IVD: variants seen among roughly 807,000 people sequenced by gnomAD.
The protein encoded by IVD is isovaleryl-CoA dehydrogenase, also known as isovaleryl-CoA dehydrogenase, mitochondrial.
Under a neutral mutation model 51.3 loss-of-function variants are expected in IVD, and 31 were observed. The observed-to-expected ratio is 0.60, with a 90% CI of 0.45 to 0.81. The LOEUF is 0.81. Among genes scored for constraint, IVD ranks in the 40% least tolerant of loss-of-function variants. The pLI is 0.00. For missense variants in IVD, 475 were observed against 552.0 expected, an observed-to-expected ratio of 0.86 and a Z score of 1.40; for synonymous variants, 205 against 219.4, an observed-to-expected ratio of 0.93 and a Z score of 0.58.
At chr15:40,410,071 C>T (rs4924464) in intron 3 of IVD, among the ~76,000 whole-genome samples, 1 of 151,964 alleles carries the variant, frequency 6.6e-6, no homozygotes, top group South Asian at 2.1e-4. Flanking sequence ...CTCCTGACCT[C>T]GTGATCTGCC....
chr15:40,419,218 T>A lies in IVD; in HGVS notation c.*955T>A. 7.8e-7 allele frequency: 1 copy of A among 1,289,082 alleles called. No individual in the cohort carries two copies. The highest frequency in any genetic ancestry group is 2.1e-4 in the Middle Eastern group (1 of 4,694). The allele number at this position is 1,289,082 out of a possible 1,614,324, so 79.9% of individuals were successfully genotyped here. Reference sequence around the variant, plus strand: ...CAGCTCCTAGCAGCTTATGAACACATATGCTTGCTTGGCCAGGCAAGGTGG... The same window carrying A: ...CAGCTCCTAGCAGCTTATGAACACAAATGCTTGCTTGGCCAGGCAAGGTGG... On this transcript the variant is annotated 3_prime_UTR_variant, in exon 12 of 12. Coordinates refer to ENST00000487418, the MANE Select transcript of IVD (RefSeq NM_002225.5).
intron 7 of IVD, among the ~76,000 whole-genome samples, chr15:40,430,159 G>T (rs1319253428): frequency 2.0e-5 from 3 of 152,216 alleles, no homozygotes; most frequent in Non-Finnish European, 2.9e-5. Context: ...GTGCAGAGCC[G>T]CTGCGGCACA....
chr15:40,421,071 A>G lies in IVD; in HGVS notation c.*2808A>G, dbSNP rs1892256695. 1.0e-6 allele frequency: 1 copy of G among 985,452 alleles called. No homozygotes were observed. Among genetic ancestry groups the G allele is most frequent in the African/African-American group, 1.7e-5 (1 of 57,366 alleles). The allele number at this position is 985,452 out of a possible 1,614,324, so 61.0% of individuals were successfully genotyped here. The stretch of plus-strand genomic sequence containing the variant: ...AGGGCAAGATCCTGGGCTCATAGGC[A>G]GTCCCTTTCACTTCCTTGTCTTGCT... On this transcript the variant is annotated 3_prime_UTR_variant, in exon 12 of 12. Coordinates refer to ENST00000487418, the MANE Select transcript of IVD (RefSeq NM_002225.5).
intron 6 of IVD, 187 bp from the exon 7 acceptor site, chr15:40,412,804 G>T (rs1038467812): frequency 1.3e-5 from 8 of 601,304 alleles, no homozygotes; most frequent in Non-Finnish European, 2.1e-5. Flanking sequence ...TGGCAGAGGA[G>T]GCTGGGATCA....
At chr15:40,410,351 G>C (rs1454849185) in intron 3 of IVD, among the ~76,000 whole-genome samples, 2 of 152,224 alleles carry the variant, frequency 1.3e-5, no homozygotes, top group African/African-American at 4.8e-5. Context: ...TGCTCAGGTT[G>C]TTCACGTATC....
chr15:40,414,855 G>A (rs1891468256), intron 7 of IVD, 34 bp from the exon 8 acceptor site: 1 of 1,613,122 alleles, frequency 6.2e-7, no homozygotes, highest in Non-Finnish European at 8.5e-7. Flanking sequence ...GCTGTGGACA[G>A]CTCTCTCCCT....
rs568900608 is a variant in IVD, at chr15:40,407,742, G to A, written c.234+17G>A. On this transcript the variant is annotated intron_variant, in intron 2 of 11. Coordinates refer to ENST00000487418, the MANE Select transcript of IVD (RefSeq NM_002225.5). ...AACCTGCGAGTGAGTTGGGAGGTCCGGGCAGTCGGGGGCAGTCAGGGAGTG... is the reference window on the plus strand; with the variant it reads ...AACCTGCGAGTGAGTTGGGAGGTCCAGGCAGTCGGGGGCAGTCAGGGAGTG... 5.8e-5 allele frequency: 93 copies of A among 1,597,110 alleles called. No homozygotes were observed. The highest frequency in any genetic ancestry group is 7.0e-5 in the Non-Finnish European group (82 of 1,165,016).
intron 7 of IVD, among the ~76,000 whole-genome samples, chr15:40,430,957 G>T (rs1892937614): frequency 6.6e-6 from 1 of 152,214 alleles, no homozygotes; most frequent in South Asian, 2.1e-4. Context: ...ACAGTGAGAT[G>T]AATGTTGCTC....
At chr15:40,409,176 C>G (rs2141312943) in intron 3 of IVD, among the ~76,000 whole-genome samples, 1 of 152,290 alleles carries the variant, frequency 6.6e-6, no homozygotes, top group East Asian at 1.9e-4. Flanking sequence ...TTATGTACCC[C>G]ACTCCCTGCA....
rs759995695 is a variant in IVD, at chr15:40,411,666, G to T, written c.662G>T (p.Gly221Val). Residue 221 changes from glycine to valine, a missense_variant, in exon 6 of 12, where the codon GGC becomes GTC. Transcript: ENST00000487418. ...TDLAAVPASR[G>V]ITAFIVEKGM... is the part of the protein sequence containing the mutation. The stretch of plus-strand genomic sequence containing the variant: ...CTGGCTGCTGTGCCAGCTTCTCGGG[G>T]CATCACAGCCTTCATTGTGGAGAAG... 2.4e-5 allele frequency: 38 copies of T among 1,614,248 alleles called. 1 individual carries two copies. Among genetic ancestry groups the T allele is most frequent in the Non-Finnish European group, 3.2e-5 (38 of 1,180,052 alleles).
exon 9 of IVD, chr15:40,435,518 A>G: frequency 2.4e-6 from 3 of 1,247,888 alleles, no homozygotes; most frequent in Non-Finnish European, 3.1e-6. Flanking sequence ...GAGATGCAAG[A>G]TCCTCCTGCC....
rs1893125814 is a variant in IVD at position 40,433,949 on chromosome 15, G to GCT, written c.780+40_780+41dup. On this transcript the variant is annotated intron_variant, in intron 8 of 8. Transcript: ENST00000473112. ...GAGATTGGCATGAGAATGCAACAGG[G>GCT]CTCTCTGAGTAGGTTCCAGTGAACT... 1.3e-5 allele frequency: 6 copies of GCT among 456,406 alleles called. No individual in the cohort carries two copies. The East Asian group carries it at 4.2e-4, about 32-fold the overall frequency. The allele number at this position is 456,406 out of a possible 1,614,324, so 28.3% of individuals were successfully genotyped here.
In IVD at chr15:40,421,223, C is replaced by T. The variant is rs926243484; in HGVS notation, c.*2960C>T. 5 of 985,384 alleles carry T rather than the reference C, an allele frequency of 5.1e-6. No homozygotes were observed. The highest frequency in any genetic ancestry group is 5.2e-4 in the Middle Eastern group (1 of 1,914). The allele number at this position is 985,384 out of a possible 1,614,324, so 61.0% of individuals were successfully genotyped here. A position where few individuals can be genotyped will look rare whatever the true frequency, so the allele number is the denominator to read the frequency against. On this transcript the variant is annotated 3_prime_UTR_variant, in exon 12 of 12. Transcript: ENST00000487418. ...TTCATCCAGTCTGTCTAAGCCCTGT[C>T]GACTTGGGGAGGTGATTTCTTTCCT...
At chr15:40,416,852 C>A (rs1050504116) in intron 11 of IVD, among the ~76,000 whole-genome samples, 6 of 152,164 alleles carry the variant, frequency 3.9e-5, no homozygotes, top group Non-Finnish European at 5.9e-5. Context: ...TTGCTGCTGC[C>A]TTCGGCAACA....
chr15:40,416,016 C>A, intron 9 of IVD, 62 bp from the exon 10 acceptor site: 1 of 1,504,566 alleles, frequency 6.6e-7, no homozygotes. Flanking sequence ...CATTGCTGAC[C>A]TGCTTTTGGT....
downstream of IVD, chr15:40,424,047 C>T (rs1317192544): frequency 2.5e-6 from 2 of 792,114 alleles, no homozygotes; most frequent in Middle Eastern, 2.8e-4. Context: ...CCCTCACCCA[C>T]CACCCAGCCA....
rs1162026224 is a variant in IVD at position 40,411,308 on chromosome 15, G to A, written c.505G>A (p.Ala169Thr). 3.1e-6 allele frequency: 5 copies of A among 1,614,160 alleles called. No individual in the cohort carries two copies. Among genetic ancestry groups the A allele is most frequent in the Non-Finnish European group, 4.2e-6 (5 of 1,180,030 alleles). Residue 169 changes from alanine (A) to threonine (T), a missense_variant, in exon 5 of 12, where the codon GCA (alanine) becomes ACA (threonine). Ala to Thr is a moderately conservative substitution (Grantham distance 58, BLOSUM62 0). Coordinates refer to ENST00000487418, the MANE Select transcript of IVD (RefSeq NM_002225.5). The part of the protein sequence containing the change: ...IGALAMSEPN[A>T]GSDVVSMKLK... ...AGCCCTGGCCATGAGTGAGCCCAATGCAGGCTCTGATGTTGTCTCTATGAA... is the reference window on the plus strand; with the variant it reads ...AGCCCTGGCCATGAGTGAGCCCAATACAGGCTCTGATGTTGTCTCTATGAA...
At position 40,421,193 on chromosome 15, in the gene IVD, G is replaced by A; in HGVS notation, c.*2930G>A. On this transcript the variant is annotated 3_prime_UTR_variant, in exon 12 of 12. Coordinates refer to ENST00000487418, the MANE Select transcript of IVD (RefSeq NM_002225.5). Reference sequence around the variant, plus strand: ...GCCTGGAGACAATGTGGCAAAATGGGGCGCTTCATCCAGTCTGTCTAAGCC... The same window carrying A: ...GCCTGGAGACAATGTGGCAAAATGGAGCGCTTCATCCAGTCTGTCTAAGCC... 2.1e-5 allele frequency: 21 copies of A among 985,448 alleles called. No homozygotes were observed. The highest frequency in any genetic ancestry group is 2.5e-5 in the Non-Finnish European group (21 of 829,934). 61.0% of individuals were successfully genotyped at this position (985,448 alleles called of 1,614,324 possible). A position where few individuals can be genotyped will look rare whatever the true frequency, so the allele number is the denominator to read the frequency against.
In IVD at chr15:40,418,596, C is replaced by G. The variant is rs1230555076; in HGVS notation, c.*333C>G. On this transcript the variant is annotated 3_prime_UTR_variant, in exon 12 of 12. Coordinates refer to ENST00000487418, the MANE Select transcript of IVD (RefSeq NM_002225.5). The stretch of plus-strand genomic sequence containing the variant: ...CCCAGGGTAGGCACCTGGGGGCATG[C>G]AGGTGCCCACCTCCCAGGGTAGGCA... 1 of 915,964 alleles carries G rather than the reference C, an allele frequency of 1.1e-6. No individual in the cohort carries two copies. Among genetic ancestry groups the G allele is most frequent in the Non-Finnish European group, 1.4e-6 (1 of 719,794 alleles). The allele number at this position is 915,964 out of a possible 1,614,324, so 56.7% of individuals were successfully genotyped here. A position where few individuals can be genotyped will look rare whatever the true frequency, so the allele number is the denominator to read the frequency against.
Sources: gnomAD v4.1 joint callset for allele counts (sites outside exome capture counted in the v4.1 genomes callset) on GRCh38, gnomAD v4.1.1 for gene constraint, MANE v1.5 for transcripts, NCBI Gene and HGNC (gene_info 2026-07-23, HGNC 2026-07-21) for gene names.